Variants in TTC39B observed in about 807,000 individuals in gnomAD.
TTC39B encodes the protein tetratricopeptide repeat protein 39B.
Under a neutral mutation model 96.6 loss-of-function variants are expected in TTC39B, and 92 were observed. The ratio of observed to expected loss-of-function variants is 0.95; its 90% CI spans 0.80 to 1.13. The LOEUF (loss-of-function observed/expected upper bound fraction) is 1.13, where lower values mean the gene tolerates loss of function less well. TTC39B is among the 50% of genes most tolerant of loss of function. TTC39B has a pLI of 0.00. For synonymous variants in TTC39B, 367 were observed against 299.4 expected (o/e 1.23, Z -2.33); for missense variants, 955 against 809.3 (o/e 1.18, Z -2.18).
chr9:15,189,153 G>A (rs1256349943), intron 13 of TTC39B, among the ~76,000 whole-genome samples: 1 of 152,092 alleles, frequency 6.6e-6, no homozygotes, highest in Non-Finnish European at 1.5e-5. Flanking sequence ...TTCTGACCTC[G>A]ACGCTTCGTT....
intron 4 of TTC39B, 79 bp from the exon 5 acceptor site, chr9:15,211,476 C>G: frequency 1.7e-6 from 2 of 1,187,158 alleles, no homozygotes; most frequent in Non-Finnish European, 2.2e-6. Context: ...AATGCATGTC[C>G]TGACTTGCAC....
intron 3 of TTC39B, among the ~76,000 whole-genome samples, chr9:15,221,329 T>C (rs1820830726): frequency 6.6e-6 from 1 of 152,222 alleles, no homozygotes; most frequent in East Asian, 1.9e-4. Context: ...TTATATACTA[T>C]GAACACATTC....
chr9:15,175,783 G>C (rs1817903156), intron 18 of TTC39B, among the ~76,000 whole-genome samples: 1 of 152,192 alleles, frequency 6.6e-6, no homozygotes, highest in South Asian at 2.1e-4. Context: ...ACCTCCAACT[G>C]AGTCAAGGGC....
At chr9:15,195,260 C>T (rs1199749207) in intron 8 of TTC39B, among the ~76,000 whole-genome samples, 1 of 152,146 alleles carries the variant, frequency 6.6e-6, no homozygotes, top group Non-Finnish European at 1.5e-5. Flanking sequence ...TAATCCAGAA[C>T]AAGACCCTAA....
At chr9:15,302,801 G>T (rs1319595708) in intron 1 of TTC39B, among the ~76,000 whole-genome samples, 1 of 151,856 alleles carries the variant, frequency 6.6e-6, no homozygotes, top group African/African-American at 2.4e-5. Context: ...CCGAGATCAT[G>T]CCATTGCACT....
At chr9:15,267,983 G>A (rs552693) in intron 1 of TTC39B, 35 bp from the exon 2 acceptor site, 2 of 1,597,858 alleles carry the variant, frequency 1.3e-6, no homozygotes, top group Middle Eastern at 1.7e-4. Context: ...AGTTTCTCAA[G>A]AATTCTCAAT....
At chr9:15,226,096 G>C (rs925271841) in intron 2 of TTC39B, 84 bp from the exon 3 acceptor site, 1 of 1,131,074 alleles carries the variant, frequency 8.8e-7, no homozygotes, top group Non-Finnish European at 1.3e-6. Context: ...CACAACATAA[G>C]TCTTCCAATT....
At position 15,166,982 on chromosome 9, in the gene TTC39B, T is replaced by TTTTTTTTTTA. The variant is rs1387664027; in HGVS notation, c.*5036_*5037insTAAAAAAAAA. ...TAACATGTGTCCACAAACCTTTATT[T>TTTTTTTTTTA]TATATATATATATATATATATATAT... On this transcript the variant is annotated 3_prime_UTR_variant, in exon 20 of 20. Coordinates refer to ENST00000512701, the Ensembl canonical transcript of TTC39B. 4.2e-3 allele frequency: 85 copies of TTTTTTTTTTA among 20,280 alleles called. 2 individuals are homozygous for TTTTTTTTTTA. The highest frequency in any genetic ancestry group is 6.3e-3 in the Non-Finnish European group (71 of 11,340). 1.3% of individuals were successfully genotyped at this position (20,280 alleles called of 1,614,324 possible).
At chr9:15,188,268 T>G (rs936871836) in intron 13 of TTC39B, 136 bp from the exon 14 acceptor site, 33 of 816,298 alleles carry the variant, frequency 4.0e-5, no homozygotes, top group Non-Finnish European at 5.4e-5. Flanking sequence ...TGATGATATG[T>G]TCTTTTCCTT....
chr9:15,253,907 A>G (rs1010536869), intron 2 of TTC39B, among the ~76,000 whole-genome samples: 6 of 152,264 alleles, frequency 3.9e-5, no homozygotes, highest in South Asian at 2.1e-4. Context: ...GTCCTTTATT[A>G]CTAAGAACCA....
exon 9 of TTC39B, chr9:15,192,681 A>G (rs1365904653): frequency 6.2e-7 from 1 of 1,613,598 alleles, no homozygotes; most frequent in Non-Finnish European, 8.5e-7. Flanking sequence ...TTCATGCAGG[A>G]TAGAAAGACA....
At chr9:15,236,697 C>T (rs1464074791) in intron 2 of TTC39B, among the ~76,000 whole-genome samples, 1 of 152,012 alleles carries the variant, frequency 6.6e-6, no homozygotes. Flanking sequence ...GTACATGGAA[C>T]CTAAACAACT....
intron 8 of TTC39B, among the ~76,000 whole-genome samples, chr9:15,198,629 T>TA (rs1175493005): frequency 1.3e-5 from 2 of 151,578 alleles, no homozygotes; most frequent in Non-Finnish European, 2.9e-5. Context: ...ACAAAAAAAT[T>TA]AGACTACAGC....
chr9:15,167,315 T>G (rs1200347213), exon 20 of TTC39B: 1 of 148,302 alleles, frequency 6.7e-6, no homozygotes, highest in Admixed American at 6.8e-5. Flanking sequence ...CCCAAAGTTT[T>G]AGGATTACAG....
At chr9:15,268,304 C>A (rs1823213018) in intron 1 of TTC39B, among the ~76,000 whole-genome samples, 1 of 152,138 alleles carries the variant, frequency 6.6e-6, no homozygotes, top group African/African-American at 2.4e-5. Context: ...CCGATGTAGT[C>A]TTTTCTTTCT....
intron 7 of TTC39B, 63 bp from the exon 8 acceptor site, chr9:15,199,988 T>A: frequency 1.2e-6 from 1 of 838,522 alleles, no homozygotes; most frequent in Non-Finnish European, 1.8e-6. Context: ...GTCCCCACAG[T>A]TGTGTGTTTG....
intron 2 of TTC39B, among the ~76,000 whole-genome samples, chr9:15,235,163 T>A (rs12341152): frequency 0.11 from 16,873 of 152,048 alleles, 1,475 homozygotes; most frequent in African/African-American, 0.24. Flanking sequence ...CAGAAGAAAG[T>A]ATTTCAGAGC....
chr9:15,246,056 C>T (rs950739754), intron 2 of TTC39B, among the ~76,000 whole-genome samples: 13 of 152,236 alleles, frequency 8.5e-5, no homozygotes, highest in African/African-American at 2.9e-4. Context: ...GAGTTCGAGA[C>T]CAGCCTGACC....
intron 2 of TTC39B, among the ~76,000 whole-genome samples, chr9:15,266,246 T>G (rs1823126065): frequency 6.7e-6 from 1 of 149,774 alleles, no homozygotes; most frequent in Admixed American, 6.7e-5. Flanking sequence ...CACAATTAAG[T>G]TTTTTTTTTA....
Sources: gnomAD v4.1 joint callset for allele counts (sites outside exome capture counted in the v4.1 genomes callset) on GRCh38, gnomAD v4.1.1 for gene constraint, MANE v1.5 for transcripts, NCBI Gene and HGNC (gene_info 2026-07-23, HGNC 2026-07-21) for gene names.